The following GALK2 variants were observed in gnomAD, a reference collection of about 807,000 sequenced individuals.
GALK2 encodes the protein galactokinase 2.
A neutral mutation model predicts 52.4 loss-of-function variants in GALK2; 36 were observed. The ratio of observed to expected loss-of-function variants is 0.69; its 90% confidence interval spans 0.53 to 0.91. The LOEUF (loss-of-function observed/expected upper bound fraction) is 0.91, where lower values mean the gene tolerates loss of function less well. Ranked by LOEUF, GALK2 falls within the 40% of genes least tolerant of loss-of-function variation. The pLI, the probability that GALK2 is intolerant of heterozygous loss-of-function variation, is 0.00. For synonymous variants in GALK2, 176 were observed against 199.1 expected (o/e 0.88, Z 0.98); for missense variants, 579 against 559.1 (o/e 1.04, Z -0.36).
At chr15:49,236,194 T>TA (rs2090795577) in intron 4 of GALK2, among the ~76,000 whole-genome samples, 1 of 152,194 alleles carries the variant, frequency 6.6e-6, no homozygotes, top group Non-Finnish European at 1.5e-5. Flanking sequence ...TGTCTGGTTT[T>TA]AAAATCTTTG....
At chr15:49,213,772 C>A (rs1390680704) in intron 2 of GALK2, among the ~76,000 whole-genome samples, 2 of 151,996 alleles carry the variant, frequency 1.3e-5, no homozygotes, top group Non-Finnish European at 1.5e-5. Context: ...TCCTTCTTGT[C>A]TTCCTTTGTG....
chr15:49,345,032 T>G (rs1354260791), intron 3 of GALK2, among the ~76,000 whole-genome samples: 1 of 152,228 alleles, frequency 6.6e-6, no homozygotes, highest in Non-Finnish European at 1.5e-5. Flanking sequence ...CTGCTACTAT[T>G]TAATTTCTTC....
chr15:49,342,702 A>T (rs767140140), intron 3 of GALK2, among the ~76,000 whole-genome samples: 10 of 152,144 alleles, frequency 6.6e-5, no homozygotes, highest in Non-Finnish European at 1.3e-4. Flanking sequence ...TCCCTTAAAG[A>T]TCTCTTATGA....
intron 5 of GALK2, among the ~76,000 whole-genome samples, chr15:49,259,040 T>A (rs2091960051): frequency 1.3e-5 from 2 of 151,732 alleles, no homozygotes; most frequent in African/African-American, 2.4e-5. Context: ...AGATTCTGGA[T>A]ATTAGCCCTT....
intron 3 of GALK2, among the ~76,000 whole-genome samples, chr15:49,219,391 A>G (rs559213073): frequency 1.3e-5 from 2 of 152,304 alleles, no homozygotes; most frequent in South Asian, 4.1e-4. Flanking sequence ...GCCTTCTGCC[A>G]TGATTGTGAG....
At chr15:49,228,344 AC>A (rs937868981) in intron 3 of GALK2, among the ~76,000 whole-genome samples, 32 of 152,072 alleles carry the variant, frequency 2.1e-4, no homozygotes, top group Non-Finnish European at 4.1e-4. Flanking sequence ...TTTCTTGAAC[AC>A]CAAAAATTCA....
At chr15:49,346,406 C>T (rs1018318380) in intron 3 of GALK2, among the ~76,000 whole-genome samples, 3 of 152,164 alleles carry the variant, frequency 2.0e-5, no homozygotes, top group African/African-American at 7.2e-5. Context: ...TTGCCAATCA[C>T]CTTTCCCCAC....
chr15:49,353,303 G>T (rs1463990276), intron 3 of GALK2, among the ~76,000 whole-genome samples: 1 of 152,080 alleles, frequency 6.6e-6, no homozygotes, highest in Non-Finnish European at 1.5e-5. Context: ...GCAATCAAGG[G>T]TTTTATGTTT....
At chr15:49,356,942 G>A (rs1449386191) in intron 3 of GALK2, among the ~76,000 whole-genome samples, 18 of 148,670 alleles carry the variant, frequency 1.2e-4, no homozygotes, top group Non-Finnish European at 1.3e-4. Context: ...ACTCAAAACC[G>A]CTCCACTACA....
At chr15:49,203,937 A>T (rs2088019141) in intron 2 of GALK2, among the ~76,000 whole-genome samples, 1 of 152,116 alleles carries the variant, frequency 6.6e-6, no homozygotes, top group Admixed American at 6.5e-5. Context: ...CAACATCATG[A>T]AACCTCGTCT....
At chr15:49,259,534 G>A (rs1412739059) in intron 5 of GALK2, among the ~76,000 whole-genome samples, 1 of 149,696 alleles carries the variant, frequency 6.7e-6, no homozygotes, top group Non-Finnish European at 1.5e-5. Context: ...ATTTTTTATG[G>A]CTGCATAGTA....
intron 1 of GALK2, among the ~76,000 whole-genome samples, chr15:49,164,440 G>A (rs1366196399): frequency 1.3e-5 from 2 of 151,994 alleles, no homozygotes; most frequent in South Asian, 4.2e-4. Context: ...GGAAAGAATT[G>A]TCTAGTTTGA....
At chr15:49,350,505 G>A (rs767619817) in intron 3 of GALK2, among the ~76,000 whole-genome samples, 13 of 152,066 alleles carry the variant, frequency 8.5e-5, no homozygotes, top group Admixed American at 3.9e-4. Flanking sequence ...AGTTTTTACT[G>A]GGAGATGCTA....
chr15:49,308,397 G>A (rs77508156), intron 8 of GALK2, among the ~76,000 whole-genome samples: 9,185 of 152,230 alleles, frequency 0.06, 551 homozygotes, highest in African/African-American at 0.15. Flanking sequence ...AAATATTCTA[G>A]GGTATGAAAG....
At chr15:49,359,616 T>C (rs948401295) in intron 3 of GALK2, among the ~76,000 whole-genome samples, 4 of 123,252 alleles carry the variant, frequency 3.2e-5, no homozygotes, top group African/African-American at 6.2e-5. Context: ...TGTGGAGAAA[T>C]AGGAACACTT....
intron 5 of GALK2, among the ~76,000 whole-genome samples, chr15:49,247,231 G>A (rs1437565587): frequency 1.3e-5 from 2 of 152,120 alleles, no homozygotes; most frequent in South Asian, 2.1e-4. Flanking sequence ...AGACAGAAGC[G>A]GGGAGAGGTG....
At chr15:49,350,698 T>C (rs1306089069) in intron 3 of GALK2, among the ~76,000 whole-genome samples, 1 of 152,176 alleles carries the variant, frequency 6.6e-6, no homozygotes, top group Admixed American at 6.5e-5. Flanking sequence ...CCTTGGTGGG[T>C]CTTCCTGCAC....
chr15:49,282,116 G>C, intron 6 of GALK2, 31 bp downstream of exon 6: 1 of 1,521,356 alleles, frequency 6.6e-7, no homozygotes, highest in Non-Finnish European at 9.1e-7. Flanking sequence ...GAACCATTCA[G>C]AAATTCCTAG....
At position 49,236,673 on chromosome 15, in the gene GALK2, A is replaced by G. The variant is rs1306600814; in HGVS notation, c.357+732A>G. 2.6e-5 allele frequency among the ~76,000 whole-genome samples: 4 copies of G among 152,224 alleles called. No homozygotes were observed. In the East Asian group the frequency reaches 7.7e-4, roughly 29 times the overall value. ...GAGCCACTTTTATATTGCAATAATTATTTTAGATGTAGTGACTTGCATAGA... is the reference window on the plus strand; with the variant it reads ...GAGCCACTTTTATATTGCAATAATTGTTTTAGATGTAGTGACTTGCATAGA... On this transcript the variant is annotated intron_variant, in intron 4 of 9. Coordinates refer to ENST00000560031, the MANE Select transcript of GALK2 (RefSeq NM_002044.4).
Sources: allele counts gnomAD v4.1 joint callset (sites outside exome capture counted in the v4.1 genomes callset), GRCh38; gene constraint gnomAD v4.1.1; transcripts MANE v1.5; gene names NCBI Gene and HGNC (gene_info 2026-07-23, HGNC 2026-07-21).